Variants in TMEM132B observed in about 807,000 individuals in gnomAD.
TMEM132B encodes transmembrane protein 132B.
Under a neutral mutation model 90.8 loss-of-function variants are expected in TMEM132B, and 18 were observed. That is an observed-to-expected ratio of 0.20 (90% CI 0.14 to 0.29). The LOEUF (loss-of-function observed/expected upper bound fraction) is 0.29, where lower values mean the gene tolerates loss of function less well. TMEM132B is among the 10% of genes least tolerant of loss of function. The pLI is 1.00. For missense variants in TMEM132B, 1,096 were observed against 1,326.8 expected (o/e 0.83, Z 2.70); for synonymous variants, 504 against 523.3 (o/e 0.96, Z 0.50).
intron 1 of TMEM132B, chr12:125,326,454 T>A: frequency 1.3e-6 from 1 of 747,106 alleles, no homozygotes; most frequent in Non-Finnish European, 2.3e-6. Flanking sequence ...GAAGACAATA[T>A]GAGCTCAAAA....
At chr12:125,361,410 T>A (rs1291048967) in intron 2 of TMEM132B, among the ~76,000 whole-genome samples, 1 of 152,144 alleles carries the variant, frequency 6.6e-6, no homozygotes, top group Non-Finnish European at 1.5e-5. Flanking sequence ...TTTCAAAGGT[T>A]AATAATCTTA....
At chr12:125,250,175 G>A (rs994702299) in intron 1 of TMEM132B, among the ~76,000 whole-genome samples, 19 of 152,242 alleles carry the variant, frequency 1.2e-4, no homozygotes, top group African/African-American at 4.1e-4. Flanking sequence ...CATTGTGGGG[G>A]GATCTGGGCG....
chr12:125,470,970 C>T (rs1398395539), intron 3 of TMEM132B, among the ~76,000 whole-genome samples: 1 of 152,224 alleles, frequency 6.6e-6, no homozygotes, highest in Non-Finnish European at 1.5e-5. Flanking sequence ...TCGACCTGAC[C>T]AGCTCTGGTT....
chr12:125,630,799 T>A lies in TMEM132B; in HGVS notation c.1438-13277T>A, dbSNP rs1460961757. ...TGTTCCCTTCTTTGCGTACATAAGT[T>A]CTCATCATTTAGCTGACACTTATAA... is the stretch of plus-strand genomic sequence containing the variant. On this transcript the variant is annotated intron_variant, in intron 5 of 8. Coordinates refer to ENST00000682704, the MANE Select transcript of TMEM132B (RefSeq NM_001366854.1). 2.0e-5 allele frequency among the ~76,000 whole-genome samples: 3 copies of A among 152,206 alleles called. No homozygotes were observed. In the East Asian group the frequency reaches 5.8e-4, roughly 29 times the overall value.
At position 125,661,084 on chromosome 12, in the gene TMEM132B, G is replaced by A. The variant is rs1887197230; in HGVS notation, c.*6374G>A. ...GCCAAAAAAGCAAGTGAGACTTTCT[G>A]TTTCCCATTGTAAGGCTGGAGCTGA... On this transcript the variant is annotated 3_prime_UTR_variant, in exon 9 of 9. Transcript: ENST00000682704. 6.6e-6 allele frequency: 1 copy of A among 152,196 alleles called. No homozygotes were observed. Among genetic ancestry groups the A allele is most frequent in the Non-Finnish European group, 1.5e-5 (1 of 68,026 alleles). 9.4% of individuals were successfully genotyped at this position (152,196 alleles called of 1,614,324 possible).
chr12:125,476,814 T>C (rs1881894863), intron 3 of TMEM132B, among the ~76,000 whole-genome samples: 1 of 152,180 alleles, frequency 6.6e-6, no homozygotes, highest in Admixed American at 6.5e-5. Context: ...TGAATGCCAG[T>C]TGGATGGCTC....
Position 125,321,659 on chromosome 12 carries a change from G to C in TMEM132B, c.68-27793G>C, listed in dbSNP as rs1302104482. 2.0e-5 allele frequency among the ~76,000 whole-genome samples: 3 copies of C among 151,798 alleles called. No homozygotes were observed. In the East Asian group the frequency reaches 5.8e-4, roughly 29 times the overall value. On this transcript the variant is annotated intron_variant, in intron 1 of 8. Coordinates refer to ENST00000682704, the MANE Select transcript of TMEM132B (RefSeq NM_001366854.1). ...GCCCGGCTAATTTTTTGTGTTTTTAGTAGAGCCAGTGTTTCACTATGCTGG... is the reference window on the plus strand; with the variant it reads ...GCCCGGCTAATTTTTTGTGTTTTTACTAGAGCCAGTGTTTCACTATGCTGG...
At chr12:125,558,016 C>T (rs192773550) in intron 4 of TMEM132B, among the ~76,000 whole-genome samples, 19 of 152,298 alleles carry the variant, frequency 1.2e-4, no homozygotes. Flanking sequence ...GTGAGATAAC[C>T]AGGACTGTTC....
At chr12:125,454,231 TA>T (rs1881228336) in intron 3 of TMEM132B, among the ~76,000 whole-genome samples, 1 of 152,164 alleles carries the variant, frequency 6.6e-6, no homozygotes, top group African/African-American at 2.4e-5. Context: ...GTCTGGCATC[TA>T]AAATAAAATA....
intron 3 of TMEM132B, among the ~76,000 whole-genome samples, chr12:125,419,115 A>G (rs55745977): frequency 0.14 from 21,212 of 152,184 alleles, 1,529 homozygotes; most frequent in African/African-American, 0.16. Context: ...TCTTATCTAA[A>G]AATTTGAATA....
chr12:125,543,136 C>T (rs1238317044), intron 4 of TMEM132B, among the ~76,000 whole-genome samples: 1 of 152,136 alleles, frequency 6.6e-6, no homozygotes, highest in African/African-American at 2.4e-5. Flanking sequence ...TTATTCATTT[C>T]TAGGCTCTAC....
In TMEM132B at chr12:125,345,578, C is replaced by T. The variant is rs181433658; in HGVS notation, c.68-3874C>T. ...TTAATCTCCTCCCCTCTCTTCCTGC[C>T]GAGGCTGTCTTTAGGGCTTCCTTGG... On this transcript the variant is annotated intron_variant, in intron 1 of 8. Coordinates refer to ENST00000682704, the MANE Select transcript of TMEM132B (RefSeq NM_001366854.1). 3.9e-4 allele frequency among the ~76,000 whole-genome samples: 59 copies of T among 152,260 alleles called. No homozygotes were observed. The East Asian group carries it at 8.1e-3, about 21-fold the overall frequency.
At chr12:125,434,555 C>A (rs981453998) in intron 3 of TMEM132B, among the ~76,000 whole-genome samples, 2 of 152,132 alleles carry the variant, frequency 1.3e-5, no homozygotes, top group Admixed American at 6.5e-5. Flanking sequence ...CCTCCCCATC[C>A]CAGCCTCAGT....
At chr12:125,405,215 C>G (rs539325822) in intron 2 of TMEM132B, among the ~76,000 whole-genome samples, 1 of 152,206 alleles carries the variant, frequency 6.6e-6, no homozygotes, top group African/African-American at 2.4e-5. Flanking sequence ...TTTCCCCTAC[C>G]TTCTGGTTGT....
intron 1 of TMEM132B, among the ~76,000 whole-genome samples, chr12:125,193,519 A>G (rs1872849813): frequency 6.6e-6 from 1 of 152,246 alleles, no homozygotes; most frequent in Non-Finnish European, 1.5e-5. Flanking sequence ...TTCATGGTCA[A>G]TGCAAGGCGA....
intron 1 of TMEM132B, among the ~76,000 whole-genome samples, chr12:125,317,278 G>A (rs1176222519): frequency 6.6e-6 from 1 of 152,166 alleles, no homozygotes; most frequent in Admixed American, 6.5e-5. Context: ...CTGGCCTGGA[G>A]TGCGCACCGT....
At chr12:125,331,377 G>C (rs1361521708) in intron 1 of TMEM132B, among the ~76,000 whole-genome samples, 1 of 152,258 alleles carries the variant, frequency 6.6e-6, no homozygotes, top group African/African-American at 2.4e-5. Flanking sequence ...TTTTACCCAG[G>C]GTGGGGTCCA....
intron 1 of TMEM132B, among the ~76,000 whole-genome samples, chr12:125,218,975 T>C (rs1873501392): frequency 1.3e-5 from 2 of 152,124 alleles, no homozygotes; most frequent in African/African-American, 4.8e-5. Context: ...TGCACAACAA[T>C]GTGAATATAC....
At chr12:125,337,179 G>C (rs1736769750) in intron 1 of TMEM132B, among the ~76,000 whole-genome samples, 1 of 152,202 alleles carries the variant, frequency 6.6e-6, no homozygotes, top group Non-Finnish European at 1.5e-5. Context: ...ATAAGGAAGT[G>C]CTATGCCATT....
Sources: allele counts gnomAD v4.1 joint callset (sites outside exome capture counted in the v4.1 genomes callset), GRCh38; gene constraint gnomAD v4.1.1; transcripts MANE v1.5; gene names NCBI Gene and HGNC (gene_info 2026-07-23, HGNC 2026-07-21).